Variants in TSPAN9 observed in about 807,000 individuals in gnomAD.
The protein encoded by TSPAN9 is tetraspanin 9.
Under a neutral mutation model 31.0 loss-of-function variants are expected in TSPAN9, and 16 were observed. That is an observed-to-expected ratio of 0.52 (90% CI 0.35 to 0.78). TSPAN9 has a LOEUF of 0.78. Among genes scored for constraint, TSPAN9 ranks in the 30% least tolerant of loss-of-function variants. The pLI, the probability that TSPAN9 is intolerant of heterozygous loss-of-function variation, is 0.01. For missense variants in TSPAN9, 272 were observed against 312.5 expected, an observed-to-expected ratio of 0.87 and a Z score of 0.98; for synonymous variants, 145 against 121.6, an observed-to-expected ratio of 1.19 and a Z score of -1.27.
chr12:3,183,890 A>C (rs1478135293), intron 2 of TSPAN9, among the ~76,000 whole-genome samples: 3 of 152,138 alleles, frequency 2.0e-5, no homozygotes, highest in Admixed American at 2.0e-4. Flanking sequence ...TGCTGCAGTG[A>C]CTTCCTAGGG....
chr12:3,105,566 G>A (rs1458996453), intron 2 of TSPAN9, among the ~76,000 whole-genome samples: 1 of 151,928 alleles, frequency 6.6e-6, no homozygotes, highest in Non-Finnish European at 1.5e-5. Flanking sequence ...GAAGAGGCGA[G>A]CTGAGCGGGA....
intron 2 of TSPAN9, chr12:3,171,772 G>C (rs2098351960): frequency 6.6e-6 from 1 of 152,196 alleles, no homozygotes; most frequent in Non-Finnish European, 1.5e-5. Context: ...TGAAGAAGGG[G>C]CTGTGACCAG....
intron 2 of TSPAN9, among the ~76,000 whole-genome samples, chr12:3,103,220 C>G (rs952888732): frequency 6.6e-6 from 1 of 152,240 alleles, no homozygotes; most frequent in African/African-American, 2.4e-5. Context: ...TCACCAGTTC[C>G]TGCCTCAGAA....
chr12:3,182,317 C>T (rs1278031601), intron 2 of TSPAN9, among the ~76,000 whole-genome samples: 1 of 151,866 alleles, frequency 6.6e-6, no homozygotes, highest in Admixed American at 6.6e-5. Flanking sequence ...TGGGGGGCTT[C>T]AGGGTTTTGG....
intron 2 of TSPAN9, among the ~76,000 whole-genome samples, chr12:3,086,036 G>T (rs10848789): frequency 6.6e-6 from 1 of 152,042 alleles, no homozygotes; most frequent in Non-Finnish European, 1.5e-5. Flanking sequence ...CTTCGTGCCC[G>T]TGCCTGAGGC....
At chr12:3,258,058 C>T (rs1048978643) in intron 3 of TSPAN9, among the ~76,000 whole-genome samples, 22 of 152,142 alleles carry the variant, frequency 1.4e-4, no homozygotes, top group Admixed American at 6.5e-5. Context: ...CATGGAAGAC[C>T]TTGAGTGCAG....
rs1862881835 is a variant in TSPAN9, at chr12:3,280,994, T to C, written c.433-204T>C. On this transcript the variant is annotated intron_variant, in intron 6 of 8. Coordinates refer to ENST00000011898, the MANE Select transcript of TSPAN9 (RefSeq NM_006675.5). The surrounding 1 kb of genome is among the most constrained non-coding windows in gnomAD (Gnocchi z 4.5). The stretch of plus-strand genomic sequence containing the variant: ...TGCATTGCCCTCTCCCGCTCTGGTC[T>C]CCAGGAAGGAGTGCTCACTCACTTC... Among the ~76,000 whole-genome samples the C allele has an allele frequency of 6.6e-6, 1 of 152,100 alleles. No homozygotes were observed. The highest frequency in any genetic ancestry group is 1.5e-5 in the Non-Finnish European group (1 of 68,008).
At chr12:3,269,187 T>C (rs1199809284) in intron 3 of TSPAN9, among the ~76,000 whole-genome samples, 1 of 89,476 alleles carries the variant, frequency 1.1e-5, no homozygotes, top group Non-Finnish European at 2.4e-5. Context: ...CCTCTGTGTT[T>C]TTCCAGCCTG....
At chr12:3,117,707 G>A (rs1375588417) in intron 2 of TSPAN9, among the ~76,000 whole-genome samples, 1 of 152,166 alleles carries the variant, frequency 6.6e-6, no homozygotes, top group African/African-American at 2.4e-5. Context: ...TTTTTCTGTG[G>A]TTAGTTACTC....
In TSPAN9 at chr12:3,268,795, GCCCTCTCTGTGTTCCTGCAAC is replaced by G. The variant is rs1460323443; in HGVS notation, c.64-9624_64-9604del. ...TGCCCTCTCTGTGTTCCTGCAGCCT[GCCCTCTCTGTGTTCCTGCAAC>G]CTGCCCTCCGTGCATTCCTGCAGCC... On this transcript the variant is annotated intron_variant, in intron 3 of 8. Coordinates refer to ENST00000011898, the MANE Select transcript of TSPAN9 (RefSeq NM_006675.5). 3.1e-5 allele frequency among the ~76,000 whole-genome samples: 2 copies of G among 63,742 alleles called. 1 individual carries two copies. The highest frequency in any genetic ancestry group is 8.9e-5 in the African/African-American group (2 of 22,358). The allele number at this position is 63,742 out of a possible 152,430, so 41.8% of individuals were successfully genotyped here. A position where few individuals can be genotyped will look rare whatever the true frequency, so the allele number is the denominator to read the frequency against.
chr12:3,148,622 TTG>T (rs2098338368), intron 2 of TSPAN9, among the ~76,000 whole-genome samples: 1 of 152,202 alleles, frequency 6.6e-6, no homozygotes, highest in African/African-American at 2.4e-5. Flanking sequence ...GCCCTGCTCT[TTG>T]TGGAATCCAG....
At chr12:3,243,384 AT>A (rs940304187) in intron 3 of TSPAN9, among the ~76,000 whole-genome samples, 3 of 152,030 alleles carry the variant, frequency 2.0e-5, no homozygotes. Flanking sequence ...GTTTTAACTT[AT>A]GTTTTGCACA....
chr12:3,109,541 T>C (rs2098317192), intron 2 of TSPAN9, among the ~76,000 whole-genome samples: 1 of 151,600 alleles, frequency 6.6e-6, no homozygotes, highest in African/African-American at 2.4e-5. Flanking sequence ...CTCATGCCTG[T>C]AATCCCAGCA....
intron 2 of TSPAN9, among the ~76,000 whole-genome samples, chr12:3,084,671 T>C (rs2098299528): frequency 6.6e-6 from 1 of 152,248 alleles, no homozygotes; most frequent in Non-Finnish European, 1.5e-5. Flanking sequence ...CCACAACCAA[T>C]TTAACTTAAT....
chr12:3,230,184 C>G (rs2098389923), intron 3 of TSPAN9, among the ~76,000 whole-genome samples: 2 of 152,204 alleles, frequency 1.3e-5, no homozygotes, highest in African/African-American at 4.8e-5. Context: ...TTGCCCAGAG[C>G]CTATGGGGGA....
In TSPAN9 at chr12:3,166,471, A is replaced by G. The variant is rs1418628669; in HGVS notation, c.-17-34706A>G. Reference sequence around the variant, plus strand: ...TTCATTTTAGAGATGAAAAAAGACTAGTATTATACATATAGATGATCAGTG... The same window carrying G: ...TTCATTTTAGAGATGAAAAAAGACTGGTATTATACATATAGATGATCAGTG... On this transcript the variant is annotated intron_variant, in intron 2 of 8. Transcript: ENST00000011898. Among the ~76,000 whole-genome samples, 10 of 152,362 alleles carry G rather than the reference A, an allele frequency of 6.6e-5. No individual in the cohort carries two copies. In the East Asian group the frequency reaches 1.7e-3, roughly 26 times the overall value.
chr12:3,197,679 C>T (rs2098367812), intron 2 of TSPAN9, among the ~76,000 whole-genome samples: 1 of 150,348 alleles, frequency 6.7e-6, no homozygotes, highest in Non-Finnish European at 1.5e-5. Context: ...CAGCACAGGT[C>T]ACCACCAGCA....
intron 3 of TSPAN9, among the ~76,000 whole-genome samples, chr12:3,266,992 G>A (rs1591714876): frequency 6.6e-6 from 1 of 152,160 alleles, no homozygotes; most frequent in Non-Finnish European, 1.5e-5. Context: ...TAGAGCCATG[G>A]AAGATCACCC....
intron 2 of TSPAN9, among the ~76,000 whole-genome samples, chr12:3,186,764 C>T (rs906683181): frequency 6.6e-6 from 1 of 152,184 alleles, no homozygotes; most frequent in South Asian, 2.1e-4. Context: ...CTGCCCCATC[C>T]TTTCCCTATG....
Sources: allele counts gnomAD v4.1 joint callset (sites outside exome capture counted in the v4.1 genomes callset), GRCh38; gene constraint gnomAD v4.1.1; non-coding constraint Gnocchi (gnomAD v3.1); transcripts MANE v1.5; gene names NCBI Gene and HGNC (gene_info 2026-07-23, HGNC 2026-07-21).